Variants in RELN observed in about 807,000 individuals in gnomAD.
The protein encoded by RELN is reelin.
In RELN, 108 loss-of-function variants were observed where a neutral mutation model predicts 427.6. That is an observed-to-expected ratio of 0.25 (90% CI 0.22 to 0.30). The LOEUF is 0.30. Among genes scored for constraint, RELN ranks in the 10% least tolerant of loss-of-function variants. The probability of loss-of-function intolerance (pLI) is 1.00; values close to 1 mark genes in which losing one functional copy is unlikely to be tolerated. For missense variants in RELN, 3,715 were observed against 4,302.8 expected, an observed-to-expected ratio of 0.86 and a Z score of 3.82; for synonymous variants, 1,524 against 1,513.4, an observed-to-expected ratio of 1.01 and a Z score of -0.16.
intron 2 of RELN, among the ~76,000 whole-genome samples, chr7:103,909,544 T>A (rs1465350421): frequency 6.9e-6 from 1 of 145,506 alleles, no homozygotes; most frequent in African/African-American, 2.6e-5. Context: ...GAGGTGGATG[T>A]TGTAGTGAGC....
At chr7:103,734,851 C>T (rs1354746221) in intron 6 of RELN, among the ~76,000 whole-genome samples, 1 of 152,134 alleles carries the variant, frequency 6.6e-6, no homozygotes, top group African/African-American at 2.4e-5. Context: ...TTTACAATAA[C>T]TTTTCTTAAA....
intron 20 of RELN, among the ~76,000 whole-genome samples, chr7:103,617,584 C>G (rs1274477275): frequency 6.7e-6 from 1 of 149,152 alleles, no homozygotes; most frequent in Non-Finnish European, 1.5e-5. Flanking sequence ...ATATATATTC[C>G]TTTCATATAT....
At chr7:103,860,776 G>GTAT (rs1249806203) in intron 2 of RELN, among the ~76,000 whole-genome samples, 1 of 152,080 alleles carries the variant, frequency 6.6e-6, no homozygotes, top group Non-Finnish European at 1.5e-5. Context: ...ACTTAGCAAT[G>GTAT]TATTATCATC....
chr7:103,686,288 C>T (rs1162128953), intron 10 of RELN, among the ~76,000 whole-genome samples: 1 of 152,100 alleles, frequency 6.6e-6, no homozygotes, highest in African/African-American at 2.4e-5. Context: ...GCCCACCCAG[C>T]TGGAAGACCA....
intron 3 of RELN, among the ~76,000 whole-genome samples, chr7:103,797,840 C>G (rs1208244413): frequency 6.6e-6 from 1 of 152,088 alleles, no homozygotes. Context: ...CAAATCAAAG[C>G]CAAAAGACAT....
At chr7:103,734,036 T>C (rs1172029017) in intron 6 of RELN, among the ~76,000 whole-genome samples, 1 of 152,154 alleles carries the variant, frequency 6.6e-6, no homozygotes, top group Non-Finnish European at 1.5e-5. Flanking sequence ...TAGGATTTCA[T>C]TTGCGGGATA....
intron 6 of RELN, among the ~76,000 whole-genome samples, chr7:103,734,149 T>C (rs1370135088): frequency 6.6e-6 from 1 of 152,194 alleles, no homozygotes; most frequent in Non-Finnish European, 1.5e-5. Context: ...CACAATTAAA[T>C]GTTTTCCACT....
chr7:103,789,470 C>G (rs767890772), intron 3 of RELN, among the ~76,000 whole-genome samples: 1 of 151,994 alleles, frequency 6.6e-6, no homozygotes, highest in African/African-American at 2.4e-5. Flanking sequence ...CCAGAATATA[C>G]AAGGAACTTA....
At chr7:103,760,665 T>C (rs562527216) in intron 4 of RELN, among the ~76,000 whole-genome samples, 3 of 152,262 alleles carry the variant, frequency 2.0e-5, no homozygotes, top group Admixed American at 6.5e-5. Flanking sequence ...ACAAGAATTA[T>C]ATGTAGGTGG....
At chr7:103,622,241 G>A (rs2117316086) in intron 20 of RELN, among the ~76,000 whole-genome samples, 1 of 152,198 alleles carries the variant, frequency 6.6e-6, no homozygotes, top group East Asian at 1.9e-4. Flanking sequence ...TTAACCCCGT[G>A]GACATCAACA....
chr7:103,621,084 T>C (rs1241282449), intron 20 of RELN, among the ~76,000 whole-genome samples: 7 of 152,250 alleles, frequency 4.6e-5, no homozygotes, highest in Non-Finnish European at 1.0e-4. Flanking sequence ...CTCGATACTT[T>C]TAATTTTGAA....
intron 46 of RELN, among the ~76,000 whole-genome samples, chr7:103,524,460 C>T (rs28716995): frequency 0.083 from 12,600 of 152,150 alleles, 932 homozygotes; most frequent in African/African-American, 0.19. Flanking sequence ...TGCTCATTCA[C>T]GGAGTTCTGG....
chr7:103,919,450 T>C (rs1348008813), intron 1 of RELN, among the ~76,000 whole-genome samples: 1 of 152,106 alleles, frequency 6.6e-6, no homozygotes, highest in Non-Finnish European at 1.5e-5. Context: ...CTTCTCTCCA[T>C]CCCCTTTCTT....
chr7:103,741,852 C>G (rs573824678), intron 6 of RELN, among the ~76,000 whole-genome samples: 1 of 152,186 alleles, frequency 6.6e-6, no homozygotes, highest in Admixed American at 6.5e-5. Flanking sequence ...CGGTCTACAG[C>G]TCCCAGCGTG....
At chr7:103,745,499 T>C (rs1373262079) in intron 6 of RELN, among the ~76,000 whole-genome samples, 1 of 145,974 alleles carries the variant, frequency 6.9e-6, no homozygotes, top group Non-Finnish European at 1.5e-5. Flanking sequence ...GACGACATGA[T>C]TGTATATCTA....
intron 63 of RELN, chr7:103,481,899 G>C (rs1226963363): frequency 6.6e-6 from 1 of 152,242 alleles, no homozygotes; most frequent in African/African-American, 2.4e-5. Context: ...AGCCCAGCAA[G>C]TTGTCCAAAA....
chr7:103,741,773 C>T (rs1490203514), intron 6 of RELN, among the ~76,000 whole-genome samples: 5 of 148,918 alleles, frequency 3.4e-5, no homozygotes, highest in African/African-American at 1.0e-4. Flanking sequence ...CACACTGCAA[C>T]TGTAATACAA....
At chr7:103,574,003 C>T (rs1830939736) in intron 30 of RELN, 89 bp downstream of exon 30, 1 of 997,184 alleles carries the variant, frequency 1.0e-6, no homozygotes, top group African/African-American at 1.6e-5. Context: ...GTATATATTC[C>T]CAATAACAGA....
intron 20 of RELN, among the ~76,000 whole-genome samples, chr7:103,617,319 G>A (rs1027696878): frequency 5.3e-5 from 8 of 152,010 alleles, no homozygotes; most frequent in African/African-American, 1.9e-4. Flanking sequence ...TTGTTGTAAT[G>A]TTTTGTTTCT....
Sources: allele counts gnomAD v4.1 joint callset (sites outside exome capture counted in the v4.1 genomes callset), GRCh38; gene constraint gnomAD v4.1.1; transcripts MANE v1.5; gene names NCBI Gene and HGNC (gene_info 2026-07-23, HGNC 2026-07-21).